EBF2: variants seen among roughly 807,000 people sequenced by gnomAD.
The protein encoded by EBF2 is EBF transcription factor 2.
EBF2 carries 21 observed loss-of-function variants against 72.8 expected under a neutral mutation model. That is an observed-to-expected ratio of 0.29 (90% CI 0.20 to 0.42). The LOEUF (loss-of-function observed/expected upper bound fraction) is 0.42. Ranked by LOEUF, EBF2 falls within the 10% of genes least tolerant of loss-of-function variation. The probability of loss-of-function intolerance (pLI) is 1.00; values close to 1 mark genes in which losing one functional copy is unlikely to be tolerated. For synonymous variants in EBF2, 299 were observed against 274.2 expected (o/e 1.09, Z -0.89); for missense variants, 637 against 731.2 (o/e 0.87, Z 1.49).
chr8:25,950,596 ACTAAGATTTACTGGAG>A (rs1211408548), intron 6 of EBF2, among the ~76,000 whole-genome samples: 1 of 152,224 alleles, frequency 6.6e-6, no homozygotes, highest in Non-Finnish European at 1.5e-5. Context: ...GTTGCACAGG[ACTAAGATTTACTGGAG>A]CCTGACTAAA....
At chr8:26,042,813 A>T (rs1010007068) in intron 1 of EBF2, among the ~76,000 whole-genome samples, 19 of 152,080 alleles carry the variant, frequency 1.2e-4, no homozygotes, top group African/African-American at 4.6e-4. Flanking sequence ...AAGAACCCCA[A>T]GGGGCAGGCG....
intron 7 of EBF2, among the ~76,000 whole-genome samples, chr8:25,907,295 C>T (rs1057071713): frequency 6.6e-6 from 1 of 151,440 alleles, no homozygotes; most frequent in Admixed American, 6.6e-5. Flanking sequence ...TGGTGCACAC[C>T]TGTAGTCCTA....
At chr8:25,955,992 C>T (rs1417941544) in intron 6 of EBF2, among the ~76,000 whole-genome samples, 1 of 151,898 alleles carries the variant, frequency 6.6e-6, no homozygotes, top group Non-Finnish European at 1.5e-5. Context: ...TGGAGCAAGA[C>T]CCCATCTTTA....
At chr8:25,956,234 C>T (rs182851233) in intron 6 of EBF2, among the ~76,000 whole-genome samples, 1 of 152,046 alleles carries the variant, frequency 6.6e-6, no homozygotes. Context: ...GCCTGACCAA[C>T]ATGGAGAAAC....
chr8:25,993,359 C>T (rs1195293627), intron 6 of EBF2, among the ~76,000 whole-genome samples: 1 of 152,204 alleles, frequency 6.6e-6, no homozygotes, highest in Non-Finnish European at 1.5e-5. Context: ...AAATGACCTT[C>T]TGCTAACAGC....
intron 6 of EBF2, among the ~76,000 whole-genome samples, chr8:25,920,504 T>C (rs1300263453): frequency 1.3e-5 from 2 of 152,206 alleles, no homozygotes; most frequent in South Asian, 2.1e-4. Context: ...TGTGTTTTGT[T>C]TGGCTATTTT....
intron 6 of EBF2, among the ~76,000 whole-genome samples, chr8:25,935,718 T>C (rs1439606567): frequency 6.6e-6 from 1 of 152,218 alleles, no homozygotes; most frequent in Non-Finnish European, 1.5e-5. Flanking sequence ...CCAGCAAAGC[T>C]GAAACTCTCC....
intron 7 of EBF2, among the ~76,000 whole-genome samples, chr8:25,895,541 A>G (rs1193100711): frequency 6.6e-6 from 1 of 152,254 alleles, no homozygotes; most frequent in Non-Finnish European, 1.5e-5. Context: ...AGAAAGTTTT[A>G]AGAACGGAAT....
chr8:26,004,918 A>G (rs1804811431), intron 6 of EBF2, among the ~76,000 whole-genome samples: 1 of 151,730 alleles, frequency 6.6e-6, no homozygotes, highest in African/African-American at 2.4e-5. Flanking sequence ...ATTCCTAAAG[A>G]ATAGAACAGA....
intron 6 of EBF2, among the ~76,000 whole-genome samples, chr8:25,923,409 T>A (rs1012640540): frequency 1.3e-5 from 2 of 152,112 alleles, no homozygotes; most frequent in Non-Finnish European, 2.9e-5. Flanking sequence ...ACCTGAAAAA[T>A]CAGGCCCGGT....
At chr8:25,986,587 G>A (rs946086178) in intron 6 of EBF2, among the ~76,000 whole-genome samples, 2 of 152,272 alleles carry the variant, frequency 1.3e-5, no homozygotes, top group Non-Finnish European at 1.5e-5. Context: ...TCATTTGAGA[G>A]TTCATTTTTA....
At chr8:26,001,023 A>G (rs1804714881) in intron 6 of EBF2, among the ~76,000 whole-genome samples, 1 of 152,222 alleles carries the variant, frequency 6.6e-6, no homozygotes, top group Non-Finnish European at 1.5e-5. Context: ...TTGAGATACA[A>G]TGCAGTCTTT....
intron 6 of EBF2, among the ~76,000 whole-genome samples, chr8:26,004,057 T>C (rs1190594741): frequency 1.3e-5 from 2 of 152,008 alleles, no homozygotes; most frequent in Admixed American, 6.6e-5. Context: ...CGTTTAATTA[T>C]TGAATTGGTA....
intron 6 of EBF2, among the ~76,000 whole-genome samples, chr8:25,922,522 G>A (rs1803321150): frequency 6.6e-6 from 1 of 152,148 alleles, no homozygotes; most frequent in African/African-American, 2.4e-5. Context: ...TATCTACATA[G>A]ATCCTAAACT....
chr8:25,887,079 CTCTG>C (rs1456873272), intron 9 of EBF2, among the ~76,000 whole-genome samples, 198 bp from the exon 10 acceptor site: 2 of 151,816 alleles, frequency 1.3e-5, no homozygotes, highest in Admixed American at 6.6e-5. Flanking sequence ...ATCTGTCTGT[CTCTG>C]TCTGTCTGTC....
At chr8:25,892,217 A>G (rs1802794608) in intron 7 of EBF2, among the ~76,000 whole-genome samples, 1 of 152,250 alleles carries the variant, frequency 6.6e-6, no homozygotes, top group South Asian at 2.1e-4. Flanking sequence ...AACAATTATA[A>G]AAAGATATTG....
intron 14 of EBF2, among the ~76,000 whole-genome samples, chr8:25,855,878 G>C (rs1802079130): frequency 6.6e-6 from 1 of 152,196 alleles, no homozygotes; most frequent in Non-Finnish European, 1.5e-5. Flanking sequence ...GGTACAGGGA[G>C]GAGGTTTTCT....
intron 6 of EBF2, among the ~76,000 whole-genome samples, chr8:25,945,870 C>T (rs1045703783): frequency 1.4e-4 from 22 of 151,948 alleles, no homozygotes; most frequent in Admixed American, 9.2e-4. Flanking sequence ...CCTATTGAAA[C>T]GGTCTTTCAT....
At chr8:26,020,887 G>T (rs1010633540) in intron 6 of EBF2, among the ~76,000 whole-genome samples, 2 of 152,114 alleles carry the variant, frequency 1.3e-5, no homozygotes, top group African/African-American at 4.8e-5. Flanking sequence ...AGTATCGAGC[G>T]GACTGTTAGC....
Sources: gnomAD v4.1 joint callset for allele counts (sites outside exome capture counted in the v4.1 genomes callset) on GRCh38, gnomAD v4.1.1 for gene constraint, MANE v1.5 for transcripts, NCBI Gene and HGNC (gene_info 2026-07-23, HGNC 2026-07-21) for gene names.